TBC1D15: variants seen among roughly 807,000 people sequenced by gnomAD.
The protein encoded by TBC1D15 is GAP for RAB7.
TBC1D15 carries 39 observed loss-of-function variants against 95.4 expected under a neutral mutation model. The observed-to-expected ratio is 0.41, with a 90% CI of 0.32 to 0.53. TBC1D15 has a LOEUF of 0.53. TBC1D15 is among the 20% of genes least tolerant of loss of function. TBC1D15 has a pLI of 0.29. For missense variants in TBC1D15, 733 were observed against 794.3 expected (o/e 0.92, Z 0.93); for synonymous variants, 258 against 261.3 (o/e 0.99, Z 0.12).
intron 1 of TBC1D15, among the ~76,000 whole-genome samples, chr12:71,851,815 C>T (rs374270822): frequency 7.9e-6 from 1 of 126,542 alleles, no homozygotes; most frequent in African/African-American, 3.2e-5. Flanking sequence ...CAGGGCTCAG[C>T]CCCTGTGGCT....
intron 1 of TBC1D15, among the ~76,000 whole-genome samples, chr12:71,862,797 T>C (rs1890662510): frequency 6.6e-6 from 1 of 152,228 alleles, no homozygotes; most frequent in Non-Finnish European, 1.5e-5. Context: ...CTTTATTCTT[T>C]GTGTATCTGC....
At position 71,913,852 on chromosome 12, in the gene TBC1D15, C is replaced by CT; in HGVS notation, c.1330dup (p.Ser444PhefsTer10). ...ATATGTTCAAGGAATGAGTGATTTA[C>CT]TTTCCCCTCTTTTATATGTGATGGA... On this transcript the variant is annotated frameshift_variant, in exon 12 of 17. Coordinates refer to ENST00000485960, the MANE Select transcript of TBC1D15 (RefSeq NM_001146213.3). LOFTEE classifies it high-confidence loss of function. 1 of 1,585,620 alleles carries CT rather than the reference C, an allele frequency of 6.3e-7. No individual in the cohort carries two copies. Among genetic ancestry groups the CT allele is most frequent in the Non-Finnish European group, 8.5e-7 (1 of 1,171,398 alleles).
chr12:71,880,395 G>C, intron 3 of TBC1D15, 74 bp from the exon 4 acceptor site: 1 of 1,310,270 alleles, frequency 7.6e-7, no homozygotes, highest in Non-Finnish European at 1.0e-6. Flanking sequence ...TACAAACATT[G>C]AAGCTAAGAT....
rs534405560 is a variant in TBC1D15, at chr12:71,886,389, C to T, written c.554+1368C>T. The stretch of plus-strand genomic sequence containing the variant: ...TTCACCATATTGGCCAGGCTGGTCT[C>T]GAACCCCTGACCTCAGGTTATCTGC... On this transcript the variant is annotated intron_variant, in intron 5 of 16. Transcript: ENST00000485960. Among the ~76,000 whole-genome samples the T allele has an allele frequency of 2.0e-3, 298 of 152,262 alleles. 5 individuals are homozygous for T. The highest frequency in any genetic ancestry group is 2.9e-3 in the Non-Finnish European group (196 of 68,010).
chr12:71,893,957 G>C (rs887206088), intron 6 of TBC1D15, among the ~76,000 whole-genome samples: 1 of 150,094 alleles, frequency 6.7e-6, no homozygotes, highest in African/African-American at 2.5e-5. Flanking sequence ...ATAAGATATA[G>C]AGGGAACTTT....
rs113058755 is a variant in TBC1D15, at chr12:71,857,830, T to C, written c.31-14240T>C. ...GTACTTTAGTATTCATTAACCAACC[T>C]TTGTCTATTCCCCTTTCCACAACCC... is the stretch of plus-strand genomic sequence containing the variant. On this transcript the variant is annotated intron_variant, in intron 1 of 16. Transcript: ENST00000485960. Among the ~76,000 whole-genome samples the C allele has an allele frequency of 6.1e-3, 928 of 152,340 alleles. 5 individuals are homozygous for C. Among genetic ancestry groups the C allele is most frequent in the African/African-American group, 0.021 (893 of 41,580 alleles).
chr12:71,845,694 T>C (rs1309487795), intron 1 of TBC1D15, among the ~76,000 whole-genome samples: 5 of 152,196 alleles, frequency 3.3e-5, no homozygotes, highest in Non-Finnish European at 1.5e-5. Flanking sequence ...AACTGAACTT[T>C]TGTACCTTTT....
intron 14 of TBC1D15, among the ~76,000 whole-genome samples, chr12:71,919,930 C>G (rs540291372): frequency 6.6e-6 from 1 of 152,100 alleles, no homozygotes; most frequent in African/African-American, 2.4e-5. Context: ...TTTAATGAAA[C>G]CTTTGAGGTT....
chr12:71,879,134 TC>T (rs1449780896), intron 3 of TBC1D15, among the ~76,000 whole-genome samples: 6 of 147,490 alleles, frequency 4.1e-5, no homozygotes, highest in Non-Finnish European at 7.5e-5. Flanking sequence ...TCTCTCTCTC[TC>T]TTTTTTTTTT....
intron 3 of TBC1D15, among the ~76,000 whole-genome samples, chr12:71,875,966 A>T (rs1349144491): frequency 6.6e-6 from 1 of 151,620 alleles, no homozygotes; most frequent in Middle Eastern, 3.4e-3. Flanking sequence ...CACCTGGCTA[A>T]TTTTTTGCAT....
At chr12:71,871,472 A>G (rs1004950560) in intron 1 of TBC1D15, among the ~76,000 whole-genome samples, 10 of 152,218 alleles carry the variant, frequency 6.6e-5, no homozygotes, top group East Asian at 1.9e-4. Flanking sequence ...AATAGTTAGA[A>G]AGGATTGATT....
At chr12:71,844,303 G>A (rs372035604) in intron 1 of TBC1D15, among the ~76,000 whole-genome samples, 2 of 152,300 alleles carry the variant, frequency 1.3e-5, no homozygotes. Context: ...AAATTCTTTA[G>A]CATGGCTTAT....
chr12:71,895,828 A>G, intron 7 of TBC1D15, 119 bp from the exon 8 acceptor site: 2 of 955,374 alleles, frequency 2.1e-6, no homozygotes, highest in Non-Finnish European at 2.9e-6. Context: ...AATAAGGAAC[A>G]ATCTTAAAAG....
At chr12:71,894,916 T>C (rs952919154) in intron 7 of TBC1D15, 33 bp downstream of exon 7, 4 of 1,574,340 alleles carry the variant, frequency 2.5e-6, no homozygotes, top group Non-Finnish European at 3.5e-6. Flanking sequence ...ATAGCTCTTA[T>C]ATTTTAACAG....
intron 11 of TBC1D15, chr12:71,907,419 G>A (rs1592809624): frequency 5.0e-6 from 1 of 201,766 alleles, no homozygotes; most frequent in East Asian, 1.1e-4. Flanking sequence ...ATAGCTAAAG[G>A]TTTTAACATT....
chr12:71,882,286 G>A (rs541215280), intron 4 of TBC1D15, among the ~76,000 whole-genome samples: 1 of 152,192 alleles, frequency 6.6e-6, no homozygotes, highest in South Asian at 2.1e-4. Flanking sequence ...TTATATACCA[G>A]ACAAGTTAAA....
chr12:71,898,724 T>C (rs2138758696), intron 10 of TBC1D15, among the ~76,000 whole-genome samples: 1 of 152,246 alleles, frequency 6.6e-6, no homozygotes, highest in Admixed American at 6.5e-5. Flanking sequence ...ATATCCGTGG[T>C]TTCATAAAGA....
intron 14 of TBC1D15, among the ~76,000 whole-genome samples, chr12:71,920,276 G>T (rs998743123): frequency 6.6e-6 from 1 of 152,164 alleles, no homozygotes; most frequent in Non-Finnish European, 1.5e-5. Flanking sequence ...AGAATGTAGA[G>T]CTACCTCTGG....
intron 10 of TBC1D15, among the ~76,000 whole-genome samples, chr12:71,900,991 C>G (rs1301180415): frequency 6.6e-6 from 1 of 152,012 alleles, no homozygotes; most frequent in Non-Finnish European, 1.5e-5. Context: ...AGAGCAACTG[C>G]TTGATATAAA....
Sources: gnomAD v4.1 joint callset for allele counts (sites outside exome capture counted in the v4.1 genomes callset) on GRCh38, gnomAD v4.1.1 for gene constraint, MANE v1.5 for transcripts, NCBI Gene and HGNC (gene_info 2026-07-23, HGNC 2026-07-21) for gene names.